Variants in PRRG1 observed in about 807,000 individuals in gnomAD.
PRRG1 encodes transmembrane gamma-carboxyglutamic acid protein 1.
Under a neutral mutation model 11.8 loss-of-function variants are expected in PRRG1, and 5 were observed. That is an observed-to-expected ratio of 0.42 (90% CI 0.22 to 0.89). PRRG1 has a LOEUF of 0.89. Ranked by LOEUF, PRRG1 falls within the 40% of genes least tolerant of loss-of-function variation. The probability of loss-of-function intolerance (pLI) is 0.28; values close to 1 mark genes in which losing one functional copy is unlikely to be tolerated. For synonymous variants in PRRG1, 66 were observed against 60.4 expected (o/e 1.09, Z -0.43); for missense variants, 155 against 166.1 (o/e 0.93, Z 0.37).
At chrX:37,374,913 G>A (rs1310733867) in intron 1 of PRRG1, among the ~76,000 whole-genome samples, 1 of 111,300 alleles carries the variant, frequency 9.0e-6, no homozygotes, top group Non-Finnish European at 1.9e-5. Context: ...GATGTATTGG[G>A]TAAAAGGAAC....
intron 3 of PRRG1, among the ~76,000 whole-genome samples, chrX:37,431,940 C>CAT (rs1244942580): frequency 9.3e-4 from 98 of 105,336 alleles, no homozygotes; most frequent in African/African-American, 2.3e-3. Context: ...GCTTTATATA[C>CAT]ATATATATAT....
chrX:37,427,022 G>A lies in PRRG1; in HGVS notation c.171+1022G>A, dbSNP rs1210808334. On this transcript the variant is annotated intron_variant, in intron 3 of 3. Coordinates refer to ENST00000378628, the MANE Select transcript of PRRG1 (RefSeq NM_001142395.2). The stretch of plus-strand genomic sequence containing the variant: ...CATAAATAAGAAAAATAGGATTGTA[G>A]TAGAAATAGTGTTTTGCACCATAAA... 7.2e-5 allele frequency among the ~76,000 whole-genome samples: 8 copies of A among 111,586 alleles called. No individual in the cohort carries two copies. The Admixed American group carries it at 7.6e-4, about 11-fold the overall frequency.
chrX:37,366,893 T>C (rs1930587352), intron 1 of PRRG1, among the ~76,000 whole-genome samples: 1 of 111,407 alleles, frequency 9.0e-6, no homozygotes, highest in Non-Finnish European at 1.9e-5. Context: ...CATTGGAAAG[T>C]CTTATTTACA....
intron 1 of PRRG1, among the ~76,000 whole-genome samples, chrX:37,398,347 C>T (rs1346670284): frequency 8.9e-6 from 1 of 111,995 alleles, no homozygotes; most frequent in Non-Finnish European, 1.9e-5. Flanking sequence ...CTGCAGCCAC[C>T]GCTGCTGATA....
In PRRG1 at chrX:37,397,561, A is replaced by C. The variant is rs186231019; in HGVS notation, c.-41-8648A>C. Among the ~76,000 whole-genome samples the C allele has an allele frequency of 8.0e-5, 9 of 112,661 alleles. No individual in the cohort carries two copies. In the East Asian group the frequency reaches 2.5e-3, roughly 31 times the overall value. The stretch of plus-strand genomic sequence containing the variant: ...ATGAACATCAGGATGAGGTAGCATT[A>C]TGAGAGTTCAAAGGAAAAAGAAATT... On this transcript the variant is annotated intron_variant, in intron 1 of 3. Coordinates refer to ENST00000378628, the MANE Select transcript of PRRG1 (RefSeq NM_001142395.2).
chrX:37,441,636 G>A, intron 3 of PRRG1: 2 of 801,259 alleles, frequency 2.5e-6, no homozygotes, highest in South Asian at 5.3e-5. Flanking sequence ...ACCTGTCCAT[G>A]GCCTTCTACT....
At chrX:37,425,348 T>C (rs1932759817) in intron 2 of PRRG1, among the ~76,000 whole-genome samples, 1 of 111,418 alleles carries the variant, frequency 9.0e-6, no homozygotes, top group Non-Finnish European at 1.9e-5. Flanking sequence ...AAATTTAACT[T>C]CTCACAATTT....
At position 37,432,332 on chromosome X, in the gene PRRG1, C is replaced by T. The variant is rs782122257; in HGVS notation, c.171+6332C>T. On this transcript the variant is annotated intron_variant, in intron 3 of 3. Coordinates refer to ENST00000378628, the MANE Select transcript of PRRG1 (RefSeq NM_001142395.2). Reference sequence around the variant, plus strand: ...CGATCTCCTGACCTCATGATCCGCCCGCCTTGGCCTCCCAAAGTGCTGGGA... The same window carrying T: ...CGATCTCCTGACCTCATGATCCGCCTGCCTTGGCCTCCCAAAGTGCTGGGA... Among the ~76,000 whole-genome samples the T allele has an allele frequency of 3.1e-3, 343 of 111,341 alleles. 2 individuals carry two copies. Among genetic ancestry groups the T allele is most frequent in the African/African-American group, 0.011 (325 of 30,440 alleles).
chrX:37,455,847 T>G lies in PRRG1; in HGVS notation c.*2226T>G, dbSNP rs782203844. 3.0e-4 allele frequency: 34 copies of G among 112,239 alleles called. No individual in the cohort carries two copies. The highest frequency in any genetic ancestry group is 1.1e-3 in the African/African-American group (34 of 30,918). The allele number at this position is 112,239 out of a possible 1,213,427, so 9.2% of individuals were successfully genotyped here. On this transcript the variant is annotated 3_prime_UTR_variant, in exon 4 of 4. Transcript: ENST00000378628. Reference sequence around the variant, plus strand: ...AATTAAGACACCTTTTGTGTGGACATGTTTTTGTCTTTAATGTCAGGCTTT... The same window carrying G: ...AATTAAGACACCTTTTGTGTGGACAGGTTTTTGTCTTTAATGTCAGGCTTT...
At position 37,350,811 on chromosome X, in the gene PRRG1, C is replaced by A. The variant is rs927011657; in HGVS notation, c.-42+1416C>A. ...TAAAAACACAATTACCCCGCCCAAC[C>A]CCCACCCCTGCACCAACCCCAGGCA... is the stretch of plus-strand genomic sequence containing the variant. On this transcript the variant is annotated intron_variant, in intron 1 of 3. Transcript: ENST00000378628. Among the ~76,000 whole-genome samples, 11 of 111,146 alleles carry A rather than the reference C, an allele frequency of 9.9e-5. No homozygotes were observed. In the Admixed American group the frequency reaches 1.0e-3, roughly 11 times the overall value.
At chrX:37,447,814 A>G (rs1340573709) in intron 3 of PRRG1, among the ~76,000 whole-genome samples, 4 of 112,675 alleles carry the variant, frequency 3.6e-5, no homozygotes, top group Non-Finnish European at 7.5e-5. Flanking sequence ...TTTAGCAAGA[A>G]GAAACCACAT....
At chrX:37,448,806 CT>C (rs1321481928) in intron 3 of PRRG1, among the ~76,000 whole-genome samples, 13 of 111,429 alleles carry the variant, frequency 1.2e-4, no homozygotes, top group African/African-American at 4.2e-4. Context: ...TTTTAAGATA[CT>C]TTTTAAAGAG....
chrX:37,407,361 C>A (rs1932214844), intron 2 of PRRG1, among the ~76,000 whole-genome samples: 1 of 112,223 alleles, frequency 8.9e-6, no homozygotes, highest in Non-Finnish European at 1.9e-5. Flanking sequence ...TCACATGTCT[C>A]CCAAGGCTTA....
intron 3 of PRRG1, among the ~76,000 whole-genome samples, chrX:37,427,167 T>C (rs1313922523): frequency 8.9e-6 from 1 of 112,254 alleles, no homozygotes; most frequent in African/African-American, 3.2e-5. Flanking sequence ...ACAAGGCTAA[T>C]GGCTTTTTAC....
rs1921323190 is a variant in PRRG1 at position 37,455,562 on chromosome X, T to TG, written c.*1941_*1942insG. 1 of 112,193 alleles carries TG rather than the reference T, an allele frequency of 8.9e-6. No individual in the cohort carries two copies. The highest frequency in any genetic ancestry group is 9.5e-5 in the Admixed American group (1 of 10,536). The allele number at this position is 112,193 out of a possible 1,213,427, so 9.2% of individuals were successfully genotyped here. On this transcript the variant is annotated 3_prime_UTR_variant, in exon 4 of 4. Coordinates refer to ENST00000378628, the MANE Select transcript of PRRG1 (RefSeq NM_001142395.2). ...TGAAACTGTGCCAACTGAAAGATGA[T>TG]AGTCCACACAGCACAAACAGGTTTA...
chrX:37,364,108 C>G (rs1166596466), intron 1 of PRRG1, among the ~76,000 whole-genome samples: 1 of 111,325 alleles, frequency 9.0e-6, no homozygotes, highest in Non-Finnish European at 1.9e-5. Context: ...ACATGGGATT[C>G]CCTTTGCCAC....
chrX:37,387,170 C>G (rs923415915), intron 1 of PRRG1, among the ~76,000 whole-genome samples: 5 of 111,789 alleles, frequency 4.5e-5, no homozygotes, highest in African/African-American at 1.6e-4. Flanking sequence ...CCTTATCAAC[C>G]AAGATGTCAA....
chrX:37,376,766 A>G (rs1556372458), intron 1 of PRRG1, among the ~76,000 whole-genome samples: 1 of 105,549 alleles, frequency 9.5e-6, no homozygotes, highest in Non-Finnish European at 2.0e-5. Context: ...TGATTTCCAT[A>G]TAACAGGGAG....
intron 3 of PRRG1, among the ~76,000 whole-genome samples, chrX:37,447,859 G>A (rs1015418444): frequency 7.1e-5 from 8 of 112,262 alleles, no homozygotes; most frequent in African/African-American, 2.6e-4. Context: ...TTGTTTTATG[G>A]AGAAGTATGC....
Sources: gnomAD v4.1 joint callset for allele counts (sites outside exome capture counted in the v4.1 genomes callset) on GRCh38, gnomAD v4.1.1 for gene constraint, MANE v1.5 for transcripts, NCBI Gene and HGNC (gene_info 2026-07-23, HGNC 2026-07-21) for gene names.